The following CFAP210 variants were observed in gnomAD, a reference collection of about 807,000 sequenced individuals.
CFAP210 encodes the protein cilia and flagella associated protein 210.
chr2:169,654,364 G>T, the CFAP210 span: 3 of 623,524 alleles, frequency 4.8e-6, no homozygotes, highest in African/African-American at 5.5e-5. Flanking sequence ...GATCAGAGAA[G>T]TGCATAAAGG....
the CFAP210 span, chr2:169,650,417 G>C: frequency 1.2e-6 from 2 of 1,605,544 alleles, no homozygotes; most frequent in Non-Finnish European, 1.7e-6. Flanking sequence ...TTCAGCCTCA[G>C]CTTCTGCAAT....
At chr2:169,690,532 G>A in the CFAP210 span, among the ~76,000 whole-genome samples, 4 of 151,798 alleles carry the variant, frequency 2.6e-5, no homozygotes, top group African/African-American at 7.3e-5. Context: ...GTGTGGTGGC[G>A]GGTGCCTGTA....
the CFAP210 span, among the ~76,000 whole-genome samples, chr2:169,660,604 ATTT>A: frequency 0.033 from 4,050 of 121,682 alleles, 138 homozygotes; most frequent in African/African-American, 0.093. Flanking sequence ...ATATATATAT[ATTT>A]TTTTTTTTTT....
At chr2:169,657,268 C>T in the CFAP210 span, among the ~76,000 whole-genome samples, 1 of 151,962 alleles carries the variant, frequency 6.6e-6, no homozygotes, top group African/African-American at 2.4e-5. Flanking sequence ...TAAAAGTTCT[C>T]AGGATGAAAG....
the CFAP210 span, among the ~76,000 whole-genome samples, chr2:169,684,301 G>C: frequency 6.6e-6 from 1 of 152,190 alleles, no homozygotes; most frequent in Non-Finnish European, 1.5e-5. Flanking sequence ...CCATGGATTA[G>C]ATCATCTTTT....
chr2:169,657,887 A>G, the CFAP210 span, among the ~76,000 whole-genome samples: 2 of 152,172 alleles, frequency 1.3e-5, no homozygotes, highest in African/African-American at 4.8e-5. Flanking sequence ...TCTATAACCA[A>G]TCAAACTGTA....
chr2:169,664,856 T>C, the CFAP210 span, among the ~76,000 whole-genome samples: 1 of 152,234 alleles, frequency 6.6e-6, no homozygotes, highest in Non-Finnish European at 1.5e-5. Flanking sequence ...AATCTGTACT[T>C]ATCTAGCACA....
the CFAP210 span, among the ~76,000 whole-genome samples, chr2:169,657,294 A>G: frequency 6.6e-6 from 1 of 152,324 alleles, no homozygotes; most frequent in East Asian, 1.9e-4. Context: ...TGTTTACAGA[A>G]TAAAAGCATC....
At chr2:169,658,232 A>G in the CFAP210 span, 1 of 152,334 alleles carries the variant, frequency 6.6e-6, no homozygotes, top group Admixed American at 6.5e-5. Context: ...TTAAAACTTT[A>G]AACTCTTAAA....
chr2:169,650,035 G>A, the CFAP210 span, among the ~76,000 whole-genome samples: 3 of 152,120 alleles, frequency 2.0e-5, no homozygotes, highest in Non-Finnish European at 4.4e-5. Context: ...TTTTTACATG[G>A]TTTGTCTTTA....
At chr2:169,674,476 A>G in the CFAP210 span, 4 of 990,634 alleles carry the variant, frequency 4.0e-6, no homozygotes, top group East Asian at 8.1e-5. Context: ...TTTTCTACTG[A>G]CTAATTATTT....
At chr2:169,686,595 G>T in the CFAP210 span, among the ~76,000 whole-genome samples, 1 of 152,244 alleles carries the variant, frequency 6.6e-6, no homozygotes, top group East Asian at 1.9e-4. Context: ...TATGGCAAGG[G>T]GGCTGAGGAT....
chr2:169,666,298 A>G, the CFAP210 span, among the ~76,000 whole-genome samples: 1 of 151,888 alleles, frequency 6.6e-6, no homozygotes, highest in African/African-American at 2.4e-5. Flanking sequence ...CAATGATAAA[A>G]CAGACATGGC....
the CFAP210 span, chr2:169,662,154 A>G: frequency 1.1e-6 from 1 of 931,584 alleles, no homozygotes; most frequent in Non-Finnish European, 1.7e-6. Context: ...TGATCATTAC[A>G]TAATGTATGC....
the CFAP210 span, among the ~76,000 whole-genome samples, chr2:169,666,551 G>A: frequency 2.9e-4 from 44 of 150,454 alleles, no homozygotes; most frequent in African/African-American, 1.0e-3. Context: ...ACTAGAATTC[G>A]AGCTTCTTGA....
the CFAP210 span, among the ~76,000 whole-genome samples, chr2:169,675,980 T>C: frequency 1.3e-5 from 2 of 152,246 alleles, no homozygotes; most frequent in African/African-American, 4.8e-5. Context: ...AGATATTCTA[T>C]TATTTATGTT....
the CFAP210 span, among the ~76,000 whole-genome samples, chr2:169,646,510 A>G: frequency 6.6e-6 from 1 of 152,206 alleles, no homozygotes; most frequent in Admixed American, 6.5e-5. Context: ...TTGGTGGTTT[A>G]GAATGCACAC....
the CFAP210 span, among the ~76,000 whole-genome samples, chr2:169,650,994 T>A: frequency 6.6e-6 from 1 of 151,740 alleles, no homozygotes; most frequent in Non-Finnish European, 1.5e-5. Context: ...TTTGGGAGGC[T>A]GAGGCGAGCA....
chr2:169,662,306 T>A, the CFAP210 span: 3 of 1,601,258 alleles, frequency 1.9e-6, no homozygotes, highest in African/African-American at 4.1e-5. Context: ...CTTTCATGCA[T>A]CTCTTCTCTT....
Sources: gnomAD v4.1 joint callset for allele counts (sites outside exome capture counted in the v4.1 genomes callset) on GRCh38, gnomAD v4.1.1 for gene constraint, MANE v1.5 for transcripts, NCBI Gene and HGNC (gene_info 2026-07-23, HGNC 2026-07-21) for gene names.